Variants in UTRN observed in about 807,000 individuals in gnomAD.
UTRN encodes utrophin.
UTRN carries 283 observed loss-of-function variants against 463.9 expected under a neutral mutation model. The ratio of observed to expected loss-of-function variants is 0.61; its 90% confidence interval spans 0.55 to 0.67. The LOEUF is 0.67. Among genes scored for constraint, UTRN ranks in the 30% least tolerant of loss-of-function variants. The pLI is 0.00. For missense variants in UTRN, 3,922 were observed against 4,084.3 expected, an observed-to-expected ratio of 0.96 and a Z score of 1.08; for synonymous variants, 1,442 against 1,431.5, an observed-to-expected ratio of 1.01 and a Z score of -0.17.
chr6:144,380,807 A>G (rs1426503177), intron 2 of UTRN, among the ~76,000 whole-genome samples: 3 of 152,160 alleles, frequency 2.0e-5, no homozygotes, highest in Non-Finnish European at 2.9e-5. Context: ...AAAAGAAAAA[A>G]AAACTTGATT....
chr6:144,592,885 G>A (rs1198647884), intron 51 of UTRN, among the ~76,000 whole-genome samples: 1 of 152,110 alleles, frequency 6.6e-6, no homozygotes, highest in East Asian at 1.9e-4. Flanking sequence ...TACCTGTGTG[G>A]GATCAAATAT....
At chr6:144,702,733 G>C (rs1283830909) in intron 53 of UTRN, among the ~76,000 whole-genome samples, 3 of 152,120 alleles carry the variant, frequency 2.0e-5, no homozygotes, top group African/African-American at 7.2e-5. Context: ...TTAGGGAAAG[G>C]AGGCAGAGAG....
intron 2 of UTRN, chr6:144,331,095 C>T (rs929386409): frequency 1.0e-4 from 91 of 871,564 alleles, no homozygotes; most frequent in Non-Finnish European, 1.2e-4. Context: ...CATGACTCTC[C>T]GCCAATAATT....
At chr6:144,744,318 ATATG>A (rs143804763) in intron 54 of UTRN, among the ~76,000 whole-genome samples, 9,855 of 135,548 alleles carry the variant, frequency 0.073, 936 homozygotes, top group African/African-American at 0.2. Context: ...ATATATATAT[ATATG>A]TGTGTGTGTG....
intron 2 of UTRN, chr6:144,398,033 T>C (rs968683488): frequency 8.5e-6 from 2 of 235,222 alleles, no homozygotes; most frequent in Non-Finnish European, 1.8e-5. Flanking sequence ...CTGCTCACCA[T>C]TGCTGATGAT....
chr6:144,718,654 C>T (rs1297130541), intron 53 of UTRN, among the ~76,000 whole-genome samples: 2 of 152,142 alleles, frequency 1.3e-5, no homozygotes, highest in Non-Finnish European at 2.9e-5. Context: ...CTGGACTGTA[C>T]CTAAGGCTTT....
chr6:144,478,240 G>T (rs1791457897), intron 25 of UTRN, among the ~76,000 whole-genome samples: 1 of 152,134 alleles, frequency 6.6e-6, no homozygotes, highest in Non-Finnish European at 1.5e-5. Context: ...AAAATAGAAA[G>T]TATATATTCT....
chr6:144,644,166 A>G (rs1778061277), intron 51 of UTRN, among the ~76,000 whole-genome samples: 1 of 152,234 alleles, frequency 6.6e-6, no homozygotes, highest in African/African-American at 2.4e-5. Context: ...CCTTATGCAC[A>G]GAACTAAATG....
chr6:144,793,366 C>G (rs1221425997), intron 62 of UTRN, among the ~76,000 whole-genome samples: 1 of 151,974 alleles, frequency 6.6e-6, no homozygotes, highest in Non-Finnish European at 1.5e-5. Flanking sequence ...GCCTTAGTCT[C>G]TCCAGTAGAT....
intron 53 of UTRN, among the ~76,000 whole-genome samples, chr6:144,713,748 C>T (rs1786030657): frequency 2.0e-5 from 3 of 151,410 alleles, no homozygotes; most frequent in Admixed American, 2.0e-4. Context: ...TGGAGAAACC[C>T]CGTCTCTACT....
At chr6:144,786,010 C>A (rs1043275624) in intron 61 of UTRN, among the ~76,000 whole-genome samples, 8 of 151,974 alleles carry the variant, frequency 5.3e-5, no homozygotes, top group Non-Finnish European at 1.2e-4. Flanking sequence ...GTCATTTGTT[C>A]CACTATTCCA....
At chr6:144,376,445 C>CTCTG (rs1491357962) in intron 2 of UTRN, among the ~76,000 whole-genome samples, 1 of 150,038 alleles carries the variant, frequency 6.7e-6, no homozygotes, top group Non-Finnish European at 1.5e-5. Flanking sequence ...CAGAGCGACA[C>CTCTG]TCTGTCTCAA....
At position 144,418,146 on chromosome 6, in the gene UTRN, G is replaced by C. The variant is rs558707512; in HGVS notation, c.142-3732G>C. Among the ~76,000 whole-genome samples the C allele has an allele frequency of 9.2e-5, 14 of 151,738 alleles. No homozygotes were observed. In the East Asian group the frequency reaches 2.5e-3, roughly 27 times the overall value. The stretch of plus-strand genomic sequence containing the variant: ...CCCAAAATTCTATGGCCAATAAGAG[G>C]CTTCTTGTTTACAGATGAGGTCATT... On this transcript the variant is annotated intron_variant, in intron 3 of 74. Coordinates refer to ENST00000367545, the MANE Select transcript of UTRN (RefSeq NM_007124.3).
intron 73 of UTRN, 35 bp downstream of exon 73, chr6:144,840,867 G>A (rs751088872): frequency 3.1e-5 from 50 of 1,595,348 alleles, no homozygotes; most frequent in African/African-American, 2.4e-4. Flanking sequence ...ACAGCTGCAC[G>A]TGTTCCTTCC....
chr6:144,790,003 A>G (rs1004651592), intron 62 of UTRN, among the ~76,000 whole-genome samples: 2 of 152,172 alleles, frequency 1.3e-5, no homozygotes, highest in African/African-American at 4.8e-5. Flanking sequence ...ATTTCATTGA[A>G]TATTGCCAAC....
intron 50 of UTRN, among the ~76,000 whole-genome samples, chr6:144,566,494 T>C (rs1339177774): frequency 6.6e-6 from 1 of 152,042 alleles, no homozygotes; most frequent in Non-Finnish European, 1.5e-5. Context: ...AGTAAGATCT[T>C]TGGAAATGAG....
intron 50 of UTRN, among the ~76,000 whole-genome samples, chr6:144,570,877 A>G (rs1800876579): frequency 6.6e-6 from 1 of 152,198 alleles, no homozygotes. Context: ...AAGAAGAATC[A>G]TCTGCCTTTA....
intron 2 of UTRN, chr6:144,398,240 G>T: frequency 3.8e-6 from 1 of 259,934 alleles, no homozygotes; most frequent in Non-Finnish European, 7.9e-6. Context: ...TTTTCCAGGA[G>T]TTTTGTTTGC....
At chr6:144,361,772 C>CTT (rs371182123) in intron 2 of UTRN, among the ~76,000 whole-genome samples, 37 of 134,820 alleles carry the variant, frequency 2.7e-4, no homozygotes, top group East Asian at 6.3e-4. Context: ...TTCTTTCTTT[C>CTT]TTTTTTTTTT....
Sources: allele counts gnomAD v4.1 joint callset (sites outside exome capture counted in the v4.1 genomes callset), GRCh38; gene constraint gnomAD v4.1.1; transcripts MANE v1.5; gene names NCBI Gene and HGNC (gene_info 2026-07-23, HGNC 2026-07-21).